The following PLEKHA7 variants were observed in gnomAD, a reference collection of about 807,000 sequenced individuals.
PLEKHA7 encodes the protein pleckstrin homology domain containing A7.
In PLEKHA7, 104 loss-of-function variants were observed where a neutral mutation model predicts 170.0. That is an observed-to-expected ratio of 0.61 (90% CI 0.52 to 0.72). The LOEUF is 0.72. Among genes scored for constraint, PLEKHA7 ranks in the 30% least tolerant of loss-of-function variants. PLEKHA7 has a pLI of 0.00. For synonymous variants in PLEKHA7, 648 were observed against 660.8 expected (o/e 0.98, Z 0.30); for missense variants, 1,615 against 1,671.7 (o/e 0.97, Z 0.59).
Position 16,938,395 on chromosome 11 carries a change from T to C in PLEKHA7, c.222-67213A>G, listed in dbSNP as rs536205441. 2.0e-4 allele frequency among the ~76,000 whole-genome samples: 30 copies of C among 152,282 alleles called. 1 individual carries two copies. The South Asian group carries it at 6.0e-3, about 30-fold the overall frequency. ...TATCATGTATTTATGCCCCAACGAG[T>C]AGCTTTCCTTGTGCTCATTTTTTTC... On this transcript the variant is annotated intron_variant, in intron 3 of 26. Transcript: ENST00000531066.
In PLEKHA7 at chr11:16,784,354, C is replaced by T. The variant is rs563314807; in HGVS notation, c.3517-521G>A. Among the ~76,000 whole-genome samples, 38 of 152,312 alleles carry T rather than the reference C, an allele frequency of 2.5e-4. 1 individual carries two copies. The East Asian group carries it at 6.0e-3, about 24-fold the overall frequency. ...TGTCTCCCTCTGTCTAATGCAGGGA[C>T]TTAGTACTTAGTAGCCCTCCAACTA... On this transcript the variant is annotated intron_variant, in intron 24 of 26. Transcript: ENST00000531066.
At chr11:16,827,038 A>C (rs2134973638) in intron 9 of PLEKHA7, among the ~76,000 whole-genome samples, 1 of 152,298 alleles carries the variant, frequency 6.6e-6, no homozygotes, top group South Asian at 2.1e-4. Context: ...CATTCCCATG[A>C]AGACCACTCC....
chr11:16,924,228 C>T (rs1245589743), intron 3 of PLEKHA7, among the ~76,000 whole-genome samples: 8 of 152,210 alleles, frequency 5.3e-5, no homozygotes, highest in Non-Finnish European at 1.0e-4. Context: ...AGGAGCCTCA[C>T]TCCACCTTCT....
chr11:16,777,364 T>G lies in PLEKHA7; in HGVS notation c.*1634A>C, dbSNP rs994918901. 1 of 152,244 alleles carries G rather than the reference T, an allele frequency of 6.6e-6. No homozygotes were observed. The highest frequency in any genetic ancestry group is 1.9e-4 in the East Asian group (1 of 5,202). 9.4% of individuals were successfully genotyped at this position (152,244 alleles called of 1,614,324 possible). A position where few individuals can be genotyped will look rare whatever the true frequency, so the allele number is the denominator to read the frequency against. On this transcript the variant is annotated 3_prime_UTR_variant, in exon 27 of 27. Transcript: ENST00000531066. ...ACCATTACATTTTTAAATTAACTTT[T>G]TCTTGCAAAATATTCATTTCATTTT...
intron 4 of PLEKHA7, among the ~76,000 whole-genome samples, chr11:16,869,012 A>C (rs1213093887): frequency 6.6e-6 from 1 of 152,202 alleles, no homozygotes; most frequent in Non-Finnish European, 1.5e-5. Flanking sequence ...CAGACTTAAT[A>C]ACAACAGGCA....
intron 3 of PLEKHA7, among the ~76,000 whole-genome samples, chr11:16,943,696 C>T (rs1860837931): frequency 6.6e-6 from 1 of 152,160 alleles, no homozygotes; most frequent in South Asian, 2.1e-4. Context: ...ACAGAGTCCA[C>T]ACAGAGATGG....
At chr11:16,876,142 T>C (rs1460143288) in intron 3 of PLEKHA7, among the ~76,000 whole-genome samples, 1 of 152,202 alleles carries the variant, frequency 6.6e-6, no homozygotes, top group Non-Finnish European at 1.5e-5. Context: ...TCAGCTCCAT[T>C]TCCTGATTCT....
rs746952664 is a variant in PLEKHA7, at chr11:16,791,098, C to T, written c.2847G>A (p.Arg949=). 6.2e-7 allele frequency: 1 copy of T among 1,614,164 alleles called. No homozygotes were observed. Among genetic ancestry groups the T allele is most frequent in the Non-Finnish European group, 8.5e-7 (1 of 1,180,042 alleles). Residue 949 remains arginine (R), a synonymous_variant, in exon 20 of 27, where the codon CGG becomes CGA. Transcript: ENST00000531066. This position sits in a 1 kb window ranked among gnomAD's most constrained non-coding sequence, Gnocchi z 4.5. ...GCTTGAGGCCCCGCACAGATGTGTGCCGGATGATGGTGGCCTCTCTTGGCA... is the reference window on the plus strand; with the variant it reads ...GCTTGAGGCCCCGCACAGATGTGTGTCGGATGATGGTGGCCTCTCTTGGCA... The part of the protein sequence containing the change: ...PPLPREATII[R]HTSVRGLKRQ...
intron 3 of PLEKHA7, among the ~76,000 whole-genome samples, chr11:16,886,710 CAA>C (rs35564863): frequency 1.7e-4 from 13 of 77,904 alleles, no homozygotes; most frequent in African/African-American, 3.9e-4. Context: ...GACTCTGTCT[CAA>C]AAAAAAAAAA....
chr11:16,982,387 C>T (rs923668785), intron 3 of PLEKHA7, among the ~76,000 whole-genome samples: 1 of 152,260 alleles, frequency 6.6e-6, no homozygotes, highest in Non-Finnish European at 1.5e-5. Flanking sequence ...CTGGCCCCCA[C>T]CCCAACCCAG....
At chr11:16,816,087 G>A in intron 12 of PLEKHA7, 91 bp downstream of exon 12, 1 of 1,076,962 alleles carries the variant, frequency 9.3e-7, no homozygotes, top group Non-Finnish European at 1.4e-6. Flanking sequence ...GGGGTTAATA[G>A]CTGCCCTCTG....
In PLEKHA7 at chr11:16,840,421, G is replaced by T. The variant is rs113323651; in HGVS notation, c.872+1126C>A. Among the ~76,000 whole-genome samples the T allele has an allele frequency of 1.9e-3, 286 of 152,202 alleles. 3 individuals are homozygous for T. The highest frequency in any genetic ancestry group is 6.5e-3 in the African/African-American group (270 of 41,512). ...ACTAAATACAAAAAATTAGCTGGGCGTGGTGGCGGGCACCTGTAATCCCAG... is the reference window on the plus strand; with the variant it reads ...ACTAAATACAAAAAATTAGCTGGGCTTGGTGGCGGGCACCTGTAATCCCAG... On this transcript the variant is annotated intron_variant, in intron 9 of 26. Transcript: ENST00000531066.
chr11:16,783,572 G>T, intron 25 of PLEKHA7, 128 bp downstream of exon 25: 1 of 1,073,800 alleles, frequency 9.3e-7, no homozygotes, highest in Non-Finnish European at 1.2e-6. Context: ...CCTCCAATGA[G>T]TAGGGCTTAC....
intron 23 of PLEKHA7, chr11:16,787,573 C>G (rs1849484015): frequency 6.6e-6 from 1 of 152,110 alleles, no homozygotes; most frequent in Non-Finnish European, 1.5e-5. Context: ...GACAAGTCCT[C>G]ATTTAAACCC....
At chr11:16,835,834 C>A (rs1046216686) in intron 9 of PLEKHA7, among the ~76,000 whole-genome samples, 1 of 152,200 alleles carries the variant, frequency 6.6e-6, no homozygotes, top group Non-Finnish European at 1.5e-5. Context: ...AGGGATAAAT[C>A]AGCTGGCCTG....
chr11:16,789,755 G>T lies in PLEKHA7; in HGVS notation c.3156+20C>A. ...CATGTGAAGGAGCAGGGAGGTCCTCGACAGCTCAAGGCCACTCACAGGGAA... is the reference window on the plus strand; with the variant it reads ...CATGTGAAGGAGCAGGGAGGTCCTCTACAGCTCAAGGCCACTCACAGGGAA... On this transcript the variant is annotated intron_variant, in intron 22 of 26. Transcript: ENST00000531066. The surrounding 1 kb of genome is among the most constrained non-coding windows in gnomAD (Gnocchi z 4.6). 1.2e-6 allele frequency: 2 copies of T among 1,600,102 alleles called. No individual in the cohort carries two copies. The highest frequency in any genetic ancestry group is 2.2e-5 in the South Asian group (2 of 90,488).
At chr11:16,980,976 C>T (rs1002887599) in intron 3 of PLEKHA7, among the ~76,000 whole-genome samples, 1 of 152,110 alleles carries the variant, frequency 6.6e-6, no homozygotes, top group African/African-American at 2.4e-5. Flanking sequence ...AAAAGAACAC[C>T]AAGTACTCAG....
At chr11:16,857,111 C>T (rs145420065) in intron 4 of PLEKHA7, among the ~76,000 whole-genome samples, 1 of 152,222 alleles carries the variant, frequency 6.6e-6, no homozygotes, top group Admixed American at 6.5e-5. Flanking sequence ...ATACTGTTTT[C>T]TTCGAAGACC....
At chr11:16,954,845 C>T (rs1052036667) in intron 3 of PLEKHA7, among the ~76,000 whole-genome samples, 14 of 151,966 alleles carry the variant, frequency 9.2e-5, no homozygotes, top group African/African-American at 3.4e-4. Flanking sequence ...CACCCGCCAC[C>T]ACACCCGGCT....
Sources: allele counts gnomAD v4.1 joint callset (sites outside exome capture counted in the v4.1 genomes callset), GRCh38; gene constraint gnomAD v4.1.1; non-coding constraint Gnocchi (gnomAD v3.1); transcripts MANE v1.5; gene names NCBI Gene and HGNC (gene_info 2026-07-23, HGNC 2026-07-21).